LRRFIP1: variants seen among roughly 807,000 people sequenced by gnomAD.
The protein encoded by LRRFIP1 is leucine-rich repeat flightless-interacting protein 1.
LRRFIP1 carries 62 observed loss-of-function variants against 104.4 expected under a neutral mutation model. The observed-to-expected ratio is 0.59, with a 90% confidence interval of 0.48 to 0.73. The LOEUF (loss-of-function observed/expected upper bound fraction) is 0.73. Ranked by LOEUF, LRRFIP1 falls within the 30% of genes least tolerant of loss-of-function variation. The pLI is 0.00. For synonymous variants in LRRFIP1, 300 were observed against 299.0 expected (o/e 1.00, Z -0.03); for missense variants, 796 against 824.5 (o/e 0.97, Z 0.42).
chr2:237,689,565 C>T (rs1167949741), intron 1 of LRRFIP1, among the ~76,000 whole-genome samples: 4 of 152,186 alleles, frequency 2.6e-5, no homozygotes, highest in Non-Finnish European at 4.4e-5. Context: ...GGCATGGTCC[C>T]CTCCCTGCCA....
In LRRFIP1 at chr2:237,772,313, A is replaced by C. The variant is rs2060711627; in HGVS notation, c.1627+115A>C. ...AATGCCCTCATTCCCTCACATCCCC[A>C]CAAAAGCCCTTAAAAATAAAAGCAC... On this transcript the variant is annotated intron_variant, in intron 21 of 23. Coordinates refer to ENST00000308482, the MANE Select transcript of LRRFIP1 (RefSeq NM_001137550.2). The C allele has an allele frequency of 2.9e-5, 21 of 729,110 alleles. No individual in the cohort carries two copies. The South Asian group carries it at 3.5e-4, about 12-fold the overall frequency. The allele number at this position is 729,110 out of a possible 1,614,324, so 45.2% of individuals were successfully genotyped here.
rs563917835 is a variant in LRRFIP1, at chr2:237,691,767, C to G, written c.97-16777C>G. Among the ~76,000 whole-genome samples, 6 of 152,306 alleles carry G rather than the reference C, an allele frequency of 3.9e-5. No homozygotes were observed. Among genetic ancestry groups the G allele is most frequent in the African/African-American group, 1.2e-4 (5 of 41,568 alleles). On this transcript the variant is annotated intron_variant, in intron 1 of 23. Coordinates refer to ENST00000308482, the MANE Select transcript of LRRFIP1 (RefSeq NM_001137550.2). This position sits in a 1 kb window ranked among gnomAD's most constrained non-coding sequence, Gnocchi z 5.4. The stretch of plus-strand genomic sequence containing the variant: ...TCCCCGGAGCGCCCGCTTCCCACGG[C>G]CCCTGCGGGTGGAGCTGCGGCCGGA...
At chr2:237,705,961 G>T (rs895766773) in intron 1 of LRRFIP1, among the ~76,000 whole-genome samples, 33 of 152,254 alleles carry the variant, frequency 2.2e-4, no homozygotes, top group African/African-American at 7.7e-4. Context: ...TAAAGGGCTT[G>T]CCTGATTAGG....
intron 1 of LRRFIP1, among the ~76,000 whole-genome samples, chr2:237,655,057 C>A: frequency 7.1e-6 from 1 of 140,838 alleles, no homozygotes; most frequent in Admixed American, 7.3e-5. Context: ...TATGATATGT[C>A]AAATAAACCA....
Position 237,661,535 on chromosome 2 carries a change from A to G in LRRFIP1, c.96+33795A>G, listed in dbSNP as rs1458999735. 1.3e-5 allele frequency among the ~76,000 whole-genome samples: 2 copies of G among 151,882 alleles called. No homozygotes were observed. Among genetic ancestry groups the G allele is most frequent in the African/African-American group, 4.8e-5 (2 of 41,314 alleles). ...CCACCTCGCTCTCGGCCCCTGGTTC[A>G]CCTTCTGTTCCTGCCCAGGGCAAAC... On this transcript the variant is annotated intron_variant, in intron 1 of 23. Transcript: ENST00000308482. This position sits in a 1 kb window ranked among gnomAD's most constrained non-coding sequence, Gnocchi z 4.4.
In LRRFIP1 at chr2:237,661,171, G is replaced by T. The variant is rs921362361; in HGVS notation, c.96+33431G>T. ...AACAGGGAAGGATATCTGGGGCCAC[G>T]CAGGGAGACCCTGGGGGATCCTGGG... On this transcript the variant is annotated intron_variant, in intron 1 of 23. Coordinates refer to ENST00000308482, the MANE Select transcript of LRRFIP1 (RefSeq NM_001137550.2). The surrounding 1 kb of genome is among the most constrained non-coding windows in gnomAD (Gnocchi z 4.4). Among the ~76,000 whole-genome samples, 1 of 152,194 alleles carries T rather than the reference G, an allele frequency of 6.6e-6. No individual in the cohort carries two copies. The highest frequency in any genetic ancestry group is 6.5e-5 in the Admixed American group (1 of 15,284).
At chr2:237,729,582 C>T (rs1247641294) in intron 8 of LRRFIP1, among the ~76,000 whole-genome samples, 1 of 152,122 alleles carries the variant, frequency 6.6e-6, no homozygotes, top group African/African-American at 2.4e-5. Context: ...GGTGAAAATA[C>T]AGCTTAGAAT....
chr2:237,702,334 A>G (rs2093582529), intron 1 of LRRFIP1, among the ~76,000 whole-genome samples: 1 of 152,094 alleles, frequency 6.6e-6, no homozygotes, highest in South Asian at 2.1e-4. Context: ...ACCCTCAAAG[A>G]GTATCTTGCT....
intron 10 of LRRFIP1, among the ~76,000 whole-genome samples, chr2:237,736,365 G>T (rs1209463148): frequency 3.3e-5 from 5 of 152,166 alleles, no homozygotes; most frequent in Non-Finnish European, 7.3e-5. Flanking sequence ...CATTTTCATA[G>T]GCCATTAGAA....
At chr2:237,686,571 C>T (rs2092387033) in intron 1 of LRRFIP1, among the ~76,000 whole-genome samples, 1 of 152,184 alleles carries the variant, frequency 6.6e-6, no homozygotes, top group Non-Finnish European at 1.5e-5. Context: ...ATCGGGAGAG[C>T]CCATTCATAA....
chr2:237,682,517 G>T (rs2091948206), intron 1 of LRRFIP1, among the ~76,000 whole-genome samples: 1 of 152,218 alleles, frequency 6.6e-6, no homozygotes, highest in South Asian at 2.1e-4. Flanking sequence ...AGGGGTGCAG[G>T]GTTGTTTTCT....
Position 237,667,423 on chromosome 2 carries a change from C to A in LRRFIP1, c.96+39683C>A, listed in dbSNP as rs552686816. ...ATGGTTGCATAGTATTCCATGGTGT[C>A]TATGTGCCACATTTTCTTTATCCAG... is the stretch of plus-strand genomic sequence containing the variant. On this transcript the variant is annotated intron_variant, in intron 1 of 23. Coordinates refer to ENST00000308482, the MANE Select transcript of LRRFIP1 (RefSeq NM_001137550.2). Among the ~76,000 whole-genome samples the A allele has an allele frequency of 2.1e-3, 324 of 152,306 alleles. 4 individuals carry two copies. The East Asian group carries it at 0.025, about 12-fold the overall frequency.
At chr2:237,666,915 G>GCTTTCTTTCTTTCTTTCTTT (rs144037636) in intron 1 of LRRFIP1, among the ~76,000 whole-genome samples, 1 of 144,810 alleles carries the variant, frequency 6.9e-6, no homozygotes, top group African/African-American at 2.6e-5. Flanking sequence ...CTGCCTTCCT[G>GCTTTCTTTCTTTCTTTCTTT]CTTTCTTTCT....
chr2:237,725,955 A>C (rs960306663), intron 7 of LRRFIP1, among the ~76,000 whole-genome samples: 25 of 152,224 alleles, frequency 1.6e-4, no homozygotes, highest in African/African-American at 6.0e-4. Flanking sequence ...AGTAAAGTCA[A>C]AGTCATCTAA....
intron 1 of LRRFIP1, among the ~76,000 whole-genome samples, chr2:237,671,075 G>A (rs2090270864): frequency 6.6e-6 from 1 of 152,214 alleles, no homozygotes; most frequent in Admixed American, 6.5e-5. Context: ...TCCCTGGGGA[G>A]AACTGGCCTG....
At chr2:237,777,416 G>C (rs1306269403) in intron 23 of LRRFIP1, among the ~76,000 whole-genome samples, 1 of 151,990 alleles carries the variant, frequency 6.6e-6, no homozygotes, top group East Asian at 1.9e-4. Flanking sequence ...TGAATTCCCT[G>C]TTTTTGTTTG....
intron 6 of LRRFIP1, chr2:237,721,570 TAATA>T (rs1452219630): frequency 6.6e-6 from 1 of 152,246 alleles, no homozygotes; most frequent in African/African-American, 2.4e-5. Flanking sequence ...TCACCGCTAG[TAATA>T]AATAAATCTC....
chr2:237,760,038 T>A (rs768894133), intron 18 of LRRFIP1, 26 bp from the exon 19 acceptor site: 12 of 1,608,674 alleles, frequency 7.5e-6, no homozygotes, highest in Non-Finnish European at 1.0e-5. Flanking sequence ...GAGTAAATAT[T>A]ACGATGAGCC....
intron 1 of LRRFIP1, among the ~76,000 whole-genome samples, chr2:237,676,875 G>C (rs1050225611): frequency 6.6e-6 from 1 of 152,178 alleles, no homozygotes; most frequent in Non-Finnish European, 1.5e-5. Context: ...CAGATCTCCT[G>C]ACCTTTGGTG....
Sources: gnomAD v4.1 joint callset for allele counts (sites outside exome capture counted in the v4.1 genomes callset) on GRCh38, gnomAD v4.1.1 for gene constraint, Gnocchi (gnomAD v3.1) non-coding constraint, MANE v1.5 for transcripts, NCBI Gene and HGNC (gene_info 2026-07-23, HGNC 2026-07-21) for gene names.